The following NRBF2 variants were observed in gnomAD, a reference collection of about 807,000 sequenced individuals.
NRBF2 encodes the protein nuclear receptor-binding factor 2.
In NRBF2, 12 loss-of-function variants were observed where a neutral mutation model predicts 28.5. The ratio of observed to expected loss-of-function variants is 0.42; its 90% CI spans 0.27 to 0.68. The LOEUF (loss-of-function observed/expected upper bound fraction) is 0.68, where lower values mean the gene tolerates loss of function less well. Among genes scored for constraint, NRBF2 ranks in the 30% least tolerant of loss-of-function variants. The pLI is 0.24. For synonymous variants in NRBF2, 102 were observed against 116.5 expected (o/e 0.88, Z 0.80); for missense variants, 274 against 333.5 (o/e 0.82, Z 1.39).
At chr10:63,144,566 C>T (rs1403377580) in intron 1 of NRBF2, among the ~76,000 whole-genome samples, 1 of 151,998 alleles carries the variant, frequency 6.6e-6, no homozygotes, top group East Asian at 1.9e-4. Flanking sequence ...AGGTGCCCCC[C>T]ACCACGCCTG....
At chr10:63,145,515 C>G (rs924892750) in intron 1 of NRBF2, among the ~76,000 whole-genome samples, 5 of 152,288 alleles carry the variant, frequency 3.3e-5, no homozygotes, top group Non-Finnish European at 7.4e-5. Context: ...GGACTTAAAG[C>G]TCTTTTGAAA....
intron 1 of NRBF2, among the ~76,000 whole-genome samples, chr10:63,136,236 A>G (rs898821132): frequency 5.3e-5 from 8 of 150,650 alleles, no homozygotes; most frequent in African/African-American, 2.0e-4. Context: ...GGGTTCAAGC[A>G]GTTCTCTGCC....
intron 1 of NRBF2, among the ~76,000 whole-genome samples, chr10:63,141,091 A>G (rs937359574): frequency 6.6e-6 from 1 of 152,210 alleles, no homozygotes; most frequent in African/African-American, 2.4e-5. Flanking sequence ...AAGTTGTTTT[A>G]AAAATGAGAA....
In NRBF2 at chr10:63,153,922, G is replaced by C; in HGVS notation, c.568G>C (p.Glu190Gln). 1 of 1,611,988 alleles carries C rather than the reference G, an allele frequency of 6.2e-7. No homozygotes were observed. The highest frequency in any genetic ancestry group is 8.5e-7 in the Non-Finnish European group (1 of 1,179,816). The change falls in exon 4 of 4, where the codon GAA (glutamate) becomes CAA (glutamine). Residue 190 changes from glutamate to glutamine, a missense_variant. Glu to Gln is a conservative substitution (Grantham distance 29). Transcript: ENST00000277746. Reference sequence around the variant, plus strand: ...TGTGGAATTCCTTGTGGCTGAGAATGAAAGATTAAGGAAAGAAAATAAACA... The same window carrying C: ...TGTGGAATTCCTTGTGGCTGAGAATCAAAGATTAAGGAAAGAAAATAAACA... The part of the protein sequence containing the change: ...RHVEFLVAEN[E>Q]RLRKENKQLK...
rs1449208254 is a variant in NRBF2 at position 63,154,807 on chromosome 10, T to G, written c.*589T>G. The G allele has an allele frequency of 6.6e-6, 1 of 152,670 alleles. No individual in the cohort carries two copies. The highest frequency in any genetic ancestry group is 1.5e-5 in the Non-Finnish European group (1 of 68,054). 9.5% of individuals were successfully genotyped at this position (152,670 alleles called of 1,614,324 possible). A position where few individuals can be genotyped will look rare whatever the true frequency, so the allele number is the denominator to read the frequency against. On this transcript the variant is annotated 3_prime_UTR_variant, in exon 4 of 4. Coordinates refer to ENST00000277746, the MANE Select transcript of NRBF2 (RefSeq NM_030759.5). ...AGAAGAAATATTTAAATTTCCATTT[T>G]ATGAAGAAAGGAACCAAATTATTAT...
Position 63,153,687 on chromosome 10 carries a change from C to G in NRBF2, c.333C>G (p.Gly111=), listed in dbSNP as rs762076971. Reference sequence around the variant, plus strand: ...AACCCTCTGCAGAGGATGCAGAGGGCCAGAGTCCCCTTTCTCAGAAGTACA... The same window carrying G: ...AACCCTCTGCAGAGGATGCAGAGGGGCAGAGTCCCCTTTCTCAGAAGTACA... ...SHKPSAEDAE[G]QSPLSQKYSP... Residue 111 remains glycine (G), a synonymous_variant, in exon 4 of 4, where the codon GGC becomes GGG. Coordinates refer to ENST00000277746, the MANE Select transcript of NRBF2 (RefSeq NM_030759.5). 4 of 1,612,000 alleles carry G rather than the reference C, an allele frequency of 2.5e-6. No homozygotes were observed. In the South Asian group the frequency reaches 4.4e-5, roughly 18 times the overall value.
chr10:63,147,117 C>T (rs891909565), intron 2 of NRBF2, among the ~76,000 whole-genome samples: 2 of 152,238 alleles, frequency 1.3e-5, no homozygotes, highest in South Asian at 4.2e-4. Context: ...TTAGGGCAAA[C>T]CCTGAAGTCT....
chr10:63,152,481 T>C (rs1158819648), intron 3 of NRBF2, among the ~76,000 whole-genome samples: 1 of 152,246 alleles, frequency 6.6e-6, no homozygotes, highest in African/African-American at 2.4e-5. Context: ...TCCTAATCAT[T>C]AGCTCTTATT....
At chr10:63,148,672 A>G (rs1183456091) in intron 2 of NRBF2, among the ~76,000 whole-genome samples, 2 of 152,166 alleles carry the variant, frequency 1.3e-5, no homozygotes, top group African/African-American at 4.8e-5. Flanking sequence ...GCCTCTTTGT[A>G]GTGTTTGTAT....
chr10:63,135,924 G>GT (rs376179260), intron 1 of NRBF2, among the ~76,000 whole-genome samples: 160 of 152,268 alleles, frequency 1.1e-3, no homozygotes, highest in African/African-American at 3.8e-3. Context: ...GATTACAGGC[G>GT]TGAGCCAGCG....
At chr10:63,142,707 C>G (rs1841491919) in intron 1 of NRBF2, among the ~76,000 whole-genome samples, 1 of 151,300 alleles carries the variant, frequency 6.6e-6, no homozygotes, top group Non-Finnish European at 1.5e-5. Flanking sequence ...GTATTTTTTG[C>G]TCAGTCCAAG....
intron 1 of NRBF2, among the ~76,000 whole-genome samples, chr10:63,137,569 T>A (rs1025793188): frequency 6.8e-6 from 1 of 147,960 alleles, no homozygotes; most frequent in Non-Finnish European, 1.5e-5. Context: ...CTGAGAATGT[T>A]TGTTGAGTAA....
rs7910455 is a variant in NRBF2, at chr10:63,152,151, A to G, written c.117A>G (p.Ala39=). Residue 39 remains alanine (A), a splice_region_variant and synonymous_variant, in exon 3 of 4, where the codon GCA becomes GCG. Transcript: ENST00000277746. The part of the protein sequence containing the change: ...EAISCHKKAA[A]YLSEAMKLTQ... ...CATGCCTATTTTTTCTCTTAACAGC[A>G]TATCTTTCTGAAGCCATGAAGCTGA... 0.018 allele frequency: 28,607 copies of G among 1,612,282 alleles called. 2,606 individuals are homozygous for G. The African/African-American group carries it at 0.26, about 14-fold the overall frequency.
intron 1 of NRBF2, among the ~76,000 whole-genome samples, chr10:63,140,330 A>T (rs949939598): frequency 6.6e-6 from 1 of 152,234 alleles, no homozygotes; most frequent in Non-Finnish European, 1.5e-5. Flanking sequence ...GTCCCACAGA[A>T]TCATATGGAT....
chr10:63,147,591 C>T (rs35125633), intron 2 of NRBF2, among the ~76,000 whole-genome samples: 30,276 of 148,232 alleles, frequency 0.2, 4,025 homozygotes, highest in Non-Finnish European at 0.3. Flanking sequence ...GGATTACAGG[C>T]GTTAGCCACT....
In NRBF2 at chr10:63,133,364, G is replaced by T; in HGVS notation, c.-107G>T. On this transcript the variant is annotated 5_prime_UTR_variant, in exon 1 of 4. Coordinates refer to ENST00000277746, the MANE Select transcript of NRBF2 (RefSeq NM_030759.5). ...GCCTATCGCTGGCTCTTGGGGCGCA[G>T]AGAGGGGCCGCAGTCTCCGCGGCTG... The T allele has an allele frequency of 1.5e-6, 2 of 1,333,306 alleles. No individual in the cohort carries two copies. The highest frequency in any genetic ancestry group is 2.5e-5 in the East Asian group (1 of 39,804). The allele number at this position is 1,333,306 out of a possible 1,614,324, so 82.6% of individuals were successfully genotyped here. A position where few individuals can be genotyped will look rare whatever the true frequency, so the allele number is the denominator to read the frequency against.
intron 1 of NRBF2, among the ~76,000 whole-genome samples, chr10:63,142,305 T>G (rs1841484388): frequency 6.7e-6 from 1 of 149,454 alleles, no homozygotes; most frequent in African/African-American, 2.4e-5. Context: ...TTTTTTTGTT[T>G]TTTTTGTTTT....
At chr10:63,145,959 G>T (rs956322764) in intron 1 of NRBF2, among the ~76,000 whole-genome samples, 3 of 152,158 alleles carry the variant, frequency 2.0e-5, no homozygotes, top group Admixed American at 6.5e-5. Flanking sequence ...AGTCACTGAA[G>T]GAGTTAAGTG....
At chr10:63,140,895 T>G (rs1390084715) in intron 1 of NRBF2, among the ~76,000 whole-genome samples, 1 of 152,056 alleles carries the variant, frequency 6.6e-6, no homozygotes, top group African/African-American at 2.4e-5. Context: ...GACATGAAGT[T>G]TCACTATGTT....
Sources: gnomAD v4.1 joint callset for allele counts (sites outside exome capture counted in the v4.1 genomes callset) on GRCh38, gnomAD v4.1.1 for gene constraint, MANE v1.5 for transcripts, NCBI Gene and HGNC (gene_info 2026-07-23, HGNC 2026-07-21) for gene names.